The following RELL1 variants were observed in gnomAD, a reference collection of about 807,000 sequenced individuals.
The protein encoded by RELL1 is RELT-like protein 1.
A neutral mutation model predicts 23.0 loss-of-function variants in RELL1; 10 were observed. The ratio of observed to expected loss-of-function variants is 0.43; its 90% CI spans 0.27 to 0.74. The LOEUF is 0.74. Ranked by LOEUF, RELL1 falls within the 30% of genes least tolerant of loss-of-function variation. The pLI is 0.19. For synonymous variants in RELL1, 146 were observed against 146.8 expected (o/e 0.99, Z 0.04); for missense variants, 315 against 364.4 (o/e 0.86, Z 1.10).
At position 37,667,044 on chromosome 4, in the gene RELL1, G is replaced by C. The variant is rs76987464; in HGVS notation, c.89-17544C>G. ...TAGAGAAAGGGCAAAGTAAAGGAGG[G>C]AGTAGGAAAGAAAATAAAGGTCACT... On this transcript the variant is annotated intron_variant, in intron 1 of 6. Transcript: ENST00000454158. 1.4e-3 allele frequency among the ~76,000 whole-genome samples: 214 copies of C among 152,228 alleles called. 2 individuals carry two copies. In the East Asian group the frequency reaches 0.031, roughly 22 times the overall value.
rs185113780 is a variant in RELL1 at position 37,641,675 on chromosome 4, C to A, written c.386-3171G>T. Among the ~76,000 whole-genome samples the A allele has an allele frequency of 7.9e-5, 12 of 152,268 alleles. No individual in the cohort carries two copies. In the East Asian group the frequency reaches 2.3e-3, roughly 29 times the overall value. Reference sequence around the variant, plus strand: ...TTTTCCAGAAAAGACCTCTTTTTCTCCCTGAATCCCTGCTTGATAATATGC... The same window carrying A: ...TTTTCCAGAAAAGACCTCTTTTTCTACCTGAATCCCTGCTTGATAATATGC... On this transcript the variant is annotated intron_variant, in intron 3 of 6. Coordinates refer to ENST00000454158, the MANE Select transcript of RELL1 (RefSeq NM_001085400.2).
downstream of RELL1, among the ~76,000 whole-genome samples, chr4:37,586,785 C>T (rs1339617866): frequency 1.3e-5 from 2 of 152,132 alleles, no homozygotes; most frequent in Non-Finnish European, 2.9e-5. Flanking sequence ...TGGCAGGCAC[C>T]TGTAATCCCA....
downstream of RELL1, among the ~76,000 whole-genome samples, chr4:37,589,663 G>A (rs980040581): frequency 3.3e-5 from 5 of 151,944 alleles, no homozygotes; most frequent in African/African-American, 1.2e-4. Context: ...AGACTGTCTC[G>A]CTCTGTCATC....
At chr4:37,680,931 CAA>C (rs397992973) in intron 1 of RELL1, among the ~76,000 whole-genome samples, 4,737 of 73,476 alleles carry the variant, frequency 0.064, 69 homozygotes, top group Middle Eastern at 0.13. Flanking sequence ...CACTCCATCT[CAA>C]AAAAAAAAAA....
chr4:37,628,673 C>T lies in RELL1; in HGVS notation c.*3+2712G>A, dbSNP rs143017053. 7.5e-3 allele frequency among the ~76,000 whole-genome samples: 1,148 copies of T among 152,286 alleles called. 14 individuals are homozygous for T. Among genetic ancestry groups the T allele is most frequent in the African/African-American group, 0.026 (1,076 of 41,556 alleles). On this transcript the variant is annotated intron_variant, in intron 6 of 6. Transcript: ENST00000454158. ...AATATGACTACCTTCTACTGAGAAC[C>T]AACTACATTCCAGACTTTCTCTTGG... is the stretch of plus-strand genomic sequence containing the variant.
At chr4:37,684,876 C>A (rs1722346168) in intron 1 of RELL1, among the ~76,000 whole-genome samples, 1 of 152,148 alleles carries the variant, frequency 6.6e-6, no homozygotes, top group Non-Finnish European at 1.5e-5. Flanking sequence ...TCACTTGAAC[C>A]AGAGAGCTGG....
intron 1 of RELL1, among the ~76,000 whole-genome samples, chr4:37,668,268 C>T (rs191195659): frequency 1.3e-5 from 2 of 150,632 alleles, no homozygotes; most frequent in East Asian, 2.0e-4. Context: ...GATACCGAGC[C>T]GAAGCTGGAC....
At chr4:37,650,345 G>T (rs1225942735) in intron 1 of RELL1, among the ~76,000 whole-genome samples, 1 of 152,182 alleles carries the variant, frequency 6.6e-6, no homozygotes, top group Non-Finnish European at 1.5e-5. Flanking sequence ...TTGTTTATTT[G>T]TTCACTAATC....
chr4:37,656,872 C>T (rs1045627754), intron 1 of RELL1, among the ~76,000 whole-genome samples: 2 of 152,226 alleles, frequency 1.3e-5, no homozygotes, highest in African/African-American at 4.8e-5. Context: ...CAATCTTGGA[C>T]TTCCCATCCT....
chr4:37,647,403 A>G lies in RELL1; in HGVS notation c.350T>C (p.Val117Ala). Residue 117 changes from valine (V) to alanine (A), a missense_variant, in exon 3 of 7, where the codon GTT becomes GCT. Val to Ala is a moderately conservative substitution (Grantham distance 64). Transcript: ENST00000454158. Reference protein sequence around the residue: ...NDSVNENSDTVGQIVHYIMKN... With the variant: ...NDSVNENSDTAGQIVHYIMKN... ...CATGATGTAGTGGACGATTTGCCCA[A>G]CAGTGTCACTGTTTTCATTCACACT... is the stretch of plus-strand genomic sequence containing the variant. 5 of 1,613,564 alleles carry G rather than the reference A, an allele frequency of 3.1e-6. No individual in the cohort carries two copies. The highest frequency in any genetic ancestry group is 1.3e-5 in the African/African-American group (1 of 75,056).
At chr4:37,589,219 T>G (rs1718472362), downstream of RELL1, among the ~76,000 whole-genome samples, 1 of 152,208 alleles carries the variant, frequency 6.6e-6, no homozygotes, top group Admixed American at 6.6e-5. Context: ...TGCTTTTAAT[T>G]TTGTCCACAT....
chr4:37,668,007 C>T (rs1266109315), intron 1 of RELL1, among the ~76,000 whole-genome samples: 1 of 151,560 alleles, frequency 6.6e-6, no homozygotes, highest in Admixed American at 6.6e-5. Flanking sequence ...GTATTTAGAG[C>T]TTAAATGGTC....
chr4:37,612,415 C>T lies in RELL1; in HGVS notation c.*931G>A, dbSNP rs1342462994. Among the ~76,000 whole-genome samples the T allele has an allele frequency of 6.6e-6, 1 of 151,168 alleles. No individual in the cohort carries two copies. The highest frequency in any genetic ancestry group is 3.2e-3 in the Middle Eastern group (1 of 314). ...CTTTGGGAGGCCGAGGCGGGTAGAT[C>T]GCCTGAGGTCAGGAGTTCAAGACCA... On this transcript the variant is annotated 3_prime_UTR_variant, in exon 7 of 7. Transcript: ENST00000454158.
downstream of RELL1, among the ~76,000 whole-genome samples, chr4:37,610,492 A>AAAG (rs1156914222): frequency 2.0e-5 from 3 of 152,052 alleles, no homozygotes; most frequent in African/African-American, 7.2e-5. The surrounding 1 kb of genome is among the most constrained non-coding windows in gnomAD (Gnocchi z 4.1). Context: ...TCTCATGAGG[A>AAAG]AAGTCAGCCA....
At chr4:37,635,446 A>C (rs973154576) in intron 4 of RELL1, among the ~76,000 whole-genome samples, 1 of 152,096 alleles carries the variant, frequency 6.6e-6, no homozygotes, top group African/African-American at 2.4e-5. Context: ...AGCAACATAG[A>C]GAGACCTCGT....
At chr4:37,638,862 T>C (rs1428940793) in intron 3 of RELL1, among the ~76,000 whole-genome samples, 1 of 152,228 alleles carries the variant, frequency 6.6e-6, no homozygotes, top group Non-Finnish European at 1.5e-5. Flanking sequence ...CGCTGCTCCC[T>C]TGCAGTTAAC....
intron 1 of RELL1, among the ~76,000 whole-genome samples, chr4:37,677,367 G>C (rs778546316): frequency 1.3e-5 from 2 of 152,204 alleles, no homozygotes; most frequent in Non-Finnish European, 2.9e-5. Context: ...AAGCTTGGAG[G>C]ACACAGTCAA....
intron 3 of RELL1, among the ~76,000 whole-genome samples, chr4:37,642,965 G>C (rs902978089): frequency 6.6e-6 from 1 of 152,162 alleles, no homozygotes; most frequent in Non-Finnish European, 1.5e-5. Context: ...TTTGTTGTTC[G>C]TGAGTTGCAT....
intron 1 of RELL1, among the ~76,000 whole-genome samples, chr4:37,669,831 T>C (rs1229153277): frequency 6.6e-6 from 1 of 151,774 alleles, no homozygotes; most frequent in Non-Finnish European, 1.5e-5. Context: ...AACAGACGCT[T>C]GAAGGCAGCA....
Sources: allele counts gnomAD v4.1 joint callset (sites outside exome capture counted in the v4.1 genomes callset), GRCh38; gene constraint gnomAD v4.1.1; non-coding constraint Gnocchi (gnomAD v3.1); transcripts MANE v1.5; gene names NCBI Gene and HGNC (gene_info 2026-07-23, HGNC 2026-07-21).